The following THSD7A variants were observed in gnomAD, a reference collection of about 807,000 sequenced individuals.
THSD7A encodes thrombospondin type 1 domain containing 7A.
THSD7A carries 96 observed loss-of-function variants against 231.3 expected under a neutral mutation model. The observed-to-expected ratio is 0.41, with a 90% CI of 0.35 to 0.49. The LOEUF is 0.49. Among genes scored for constraint, THSD7A ranks in the 20% least tolerant of loss-of-function variants. The probability of loss-of-function intolerance (pLI) is 0.05; values close to 1 mark genes in which losing one functional copy is unlikely to be tolerated. For synonymous variants in THSD7A, 940 were observed against 743.3 expected, an observed-to-expected ratio of 1.26 and a Z score of -4.30; for missense variants, 2,290 against 2,070.2, an observed-to-expected ratio of 1.11 and a Z score of -2.06.
At chr7:11,402,769 T>C (rs1170842654) in intron 22 of THSD7A, among the ~76,000 whole-genome samples, 1 of 152,228 alleles carries the variant, frequency 6.6e-6, no homozygotes, top group Non-Finnish European at 1.5e-5. Flanking sequence ...TTTATGTTTG[T>C]GAAATCCATC....
chr7:11,729,732 T>C (rs1377856946), intron 1 of THSD7A, among the ~76,000 whole-genome samples: 1 of 151,718 alleles, frequency 6.6e-6, no homozygotes, highest in African/African-American at 2.4e-5. Context: ...TCTAATAGAA[T>C]GTTACTTAGC....
chr7:11,693,227 T>G (rs141526734), intron 1 of THSD7A, among the ~76,000 whole-genome samples: 4 of 151,692 alleles, frequency 2.6e-5, no homozygotes, highest in African/African-American at 9.6e-5. Flanking sequence ...TAAGAAACAT[T>G]TCTAACAAAG....
At chr7:11,439,929 G>C (rs944543934) in intron 13 of THSD7A, among the ~76,000 whole-genome samples, 4 of 152,076 alleles carry the variant, frequency 2.6e-5, no homozygotes, top group Non-Finnish European at 4.4e-5. Context: ...AGATGAAACA[G>C]CCTTCTGTTG....
intron 1 of THSD7A, among the ~76,000 whole-genome samples, chr7:11,759,818 T>C (rs1782798344): frequency 6.6e-6 from 1 of 151,998 alleles, no homozygotes; most frequent in African/African-American, 2.4e-5. Context: ...ATTTCAAATA[T>C]CAACAAATTG....
chr7:11,722,948 A>G (rs1781410181), intron 1 of THSD7A, among the ~76,000 whole-genome samples: 1 of 151,890 alleles, frequency 6.6e-6, no homozygotes, highest in South Asian at 2.1e-4. Context: ...AACTAGAAAT[A>G]CCATTTGACC....
chr7:11,821,378 C>T, intron 1 of THSD7A: 4 of 497,096 alleles, frequency 8.0e-6, no homozygotes, highest in South Asian at 5.2e-5. Context: ...ATCTCTTCTC[C>T]CTTGCCCTGA....
intron 1 of THSD7A, among the ~76,000 whole-genome samples, chr7:11,645,770 C>A (rs761169294): frequency 1.9e-4 from 29 of 151,730 alleles, no homozygotes; most frequent in Non-Finnish European, 2.4e-4. Context: ...CTCATTTGAT[C>A]TTTACATCAA....
chr7:11,682,248 T>C (rs1019042281), intron 1 of THSD7A, among the ~76,000 whole-genome samples: 7 of 152,100 alleles, frequency 4.6e-5, no homozygotes, highest in Admixed American at 1.3e-4. Context: ...CTAACACCTT[T>C]AATATCAATA....
chr7:11,397,082 C>A (rs1783215900), intron 23 of THSD7A, among the ~76,000 whole-genome samples: 1 of 152,046 alleles, frequency 6.6e-6, no homozygotes, highest in South Asian at 2.1e-4. Context: ...AATTCAACAC[C>A]CCTTCATGCT....
chr7:11,417,651 A>G, intron 16 of THSD7A, 48 bp from the exon 17 acceptor site: 1 of 1,558,032 alleles, frequency 6.4e-7, no homozygotes, highest in Non-Finnish European at 8.6e-7. Context: ...TACATTCTAG[A>G]AGTAAAGAAA....
chr7:11,401,235 T>C (rs1288632345), intron 23 of THSD7A, among the ~76,000 whole-genome samples: 2 of 152,106 alleles, frequency 1.3e-5, no homozygotes, highest in African/African-American at 4.8e-5. Context: ...AGCGTACAAA[T>C]AATGTGCTCC....
chr7:11,525,722 TAAAGAA>T (rs1239494566), intron 6 of THSD7A, among the ~76,000 whole-genome samples: 1 of 152,136 alleles, frequency 6.6e-6, no homozygotes, highest in African/African-American at 2.4e-5. Flanking sequence ...TGCTACAACA[TAAAGAA>T]AAAGTGTACA....
intron 14 of THSD7A, among the ~76,000 whole-genome samples, chr7:11,428,033 T>G (rs1006211301): frequency 1.3e-5 from 2 of 152,196 alleles, no homozygotes; most frequent in African/African-American, 4.8e-5. Context: ...TTCTCTACAA[T>G]GTACTTTTAT....
At chr7:11,570,230 G>C (rs578248623) in intron 4 of THSD7A, among the ~76,000 whole-genome samples, 8 of 152,130 alleles carry the variant, frequency 5.3e-5, no homozygotes, top group Non-Finnish European at 1.2e-4. Context: ...ATTATGTTAA[G>C]TGAAATAAGC....
At chr7:11,818,954 C>G (rs1299157799) in intron 1 of THSD7A, among the ~76,000 whole-genome samples, 1 of 152,108 alleles carries the variant, frequency 6.6e-6, no homozygotes, top group Non-Finnish European at 1.5e-5. Flanking sequence ...GTGCAGCACA[C>G]TCTGGACTGA....
At chr7:11,677,676 C>A (rs1231031669) in intron 1 of THSD7A, among the ~76,000 whole-genome samples, 1 of 127,418 alleles carries the variant, frequency 7.8e-6, no homozygotes, top group Non-Finnish European at 1.7e-5. Context: ...TCAAAAAAGA[C>A]AAAGGGCATT....
intron 1 of THSD7A, among the ~76,000 whole-genome samples, chr7:11,825,856 A>G (rs1191677818): frequency 6.6e-6 from 1 of 152,176 alleles, no homozygotes; most frequent in African/African-American, 2.4e-5. Context: ...AAGTGAGAAA[A>G]CAGTGTGACA....
intron 4 of THSD7A, among the ~76,000 whole-genome samples, chr7:11,552,233 G>T (rs1226439423): frequency 6.6e-6 from 1 of 151,834 alleles, no homozygotes; most frequent in South Asian, 2.1e-4. Flanking sequence ...CATTACCTGG[G>T]TGATGAAATC....
At chr7:11,385,329 A>C (rs1183909831) in intron 23 of THSD7A, 3 of 152,102 alleles carry the variant, frequency 2.0e-5, no homozygotes, top group Non-Finnish European at 4.4e-5. Context: ...GGTTGAAAAT[A>C]AGTGGCAACA....
Sources: gnomAD v4.1 joint callset for allele counts (sites outside exome capture counted in the v4.1 genomes callset) on GRCh38, gnomAD v4.1.1 for gene constraint, MANE v1.5 for transcripts, NCBI Gene and HGNC (gene_info 2026-07-23, HGNC 2026-07-21) for gene names.